Variants in LGR5 observed in about 807,000 individuals in gnomAD.
LGR5 encodes leucine-rich repeat-containing G protein-coupled receptor 5.
In LGR5, 54 loss-of-function variants were observed where a neutral mutation model predicts 76.7. The observed-to-expected ratio is 0.70, with a 90% CI of 0.57 to 0.88. LGR5 has a LOEUF of 0.88. Among genes scored for constraint, LGR5 ranks in the 40% least tolerant of loss-of-function variants. The pLI is 0.00. For missense variants in LGR5, 1,078 were observed against 1,073.3 expected (o/e 1.00, Z -0.06); for synonymous variants, 406 against 421.9 (o/e 0.96, Z 0.46).
In LGR5 at chr12:71,440,729, C is replaced by T. The variant is rs1282887932; in HGVS notation, c.212+437C>T. Among the ~76,000 whole-genome samples the T allele has an allele frequency of 1.3e-5, 2 of 152,168 alleles. No homozygotes were observed. The highest frequency in any genetic ancestry group is 4.8e-5 in the African/African-American group (2 of 41,434). Reference sequence around the variant, plus strand: ...GAAAAGATGGTCTGTAGAAAGTTTCCCCAAAGGAGAAACAACTTGCCCAGC... The same window carrying T: ...GAAAAGATGGTCTGTAGAAAGTTTCTCCAAAGGAGAAACAACTTGCCCAGC... On this transcript the variant is annotated intron_variant, in intron 1 of 17. Coordinates refer to ENST00000266674, the MANE Select transcript of LGR5 (RefSeq NM_003667.4). This position sits in a 1 kb window ranked among gnomAD's most constrained non-coding sequence, Gnocchi z 5.3.
intron 5 of LGR5, among the ~76,000 whole-genome samples, chr12:71,554,238 T>C (rs1483786282): frequency 6.6e-6 from 1 of 152,128 alleles, no homozygotes; most frequent in South Asian, 2.1e-4. Flanking sequence ...GAATGCTGAT[T>C]TGTTGGGTCA....
chr12:71,496,422 G>A (rs1874327579), intron 1 of LGR5, among the ~76,000 whole-genome samples: 1 of 148,720 alleles, frequency 6.7e-6, no homozygotes, highest in East Asian at 2.0e-4. Context: ...TAACAATTTT[G>A]GTGACAACAA....
chr12:71,566,379 T>G, intron 8 of LGR5, 25 bp from the exon 9 acceptor site: 1 of 1,442,982 alleles, frequency 6.9e-7, no homozygotes, highest in East Asian at 2.3e-5. Flanking sequence ...ACTAAGATAT[T>G]AATTGCTGTT....
intron 6 of LGR5, 132 bp downstream of exon 6, chr12:71,556,822 G>T: frequency 1.4e-6 from 1 of 702,902 alleles, no homozygotes; most frequent in South Asian, 1.7e-5. Flanking sequence ...ATTTACAGTG[G>T]CATTATCTTA....
intron 3 of LGR5, among the ~76,000 whole-genome samples, chr12:71,525,988 T>G (rs1434731611): frequency 6.6e-6 from 1 of 152,158 alleles, no homozygotes; most frequent in Non-Finnish European, 1.5e-5. Context: ...GAATGTTTGT[T>G]TCCCACAATG....
chr12:71,561,967 G>T (rs940612187), intron 8 of LGR5, 115 bp downstream of exon 8: 1 of 625,028 alleles, frequency 1.6e-6, no homozygotes, highest in South Asian at 2.6e-5. Context: ...CAATCTAAGA[G>T]TTCATACAGA....
chr12:71,578,305 T>G (rs2137471625), intron 14 of LGR5, among the ~76,000 whole-genome samples: 1 of 152,362 alleles, frequency 6.6e-6, no homozygotes, highest in East Asian at 1.9e-4. Context: ...GCTTCCATTT[T>G]ATTTTATGCC....
intron 15 of LGR5, 88 bp downstream of exon 15, chr12:71,579,017 C>T (rs887170870): frequency 7.3e-6 from 9 of 1,228,088 alleles, no homozygotes; most frequent in Admixed American, 2.5e-5. Context: ...TTTATGAGGT[C>T]GTGAGACACT....
intron 12 of LGR5, 80 bp from the exon 13 acceptor site, chr12:71,572,770 C>T (rs1287695392): frequency 3.0e-6 from 3 of 992,092 alleles, no homozygotes; most frequent in African/African-American, 1.6e-5. Context: ...GCAGGTAGTC[C>T]CTCTATAAAA....
intron 11 of LGR5, among the ~76,000 whole-genome samples, chr12:71,570,311 T>A (rs1196950547): frequency 6.6e-6 from 1 of 152,144 alleles, no homozygotes; most frequent in Admixed American, 6.5e-5. Context: ...CCCAGAATTT[T>A]AAAAAAATAA....
chr12:71,496,107 C>G (rs932640293), intron 1 of LGR5, among the ~76,000 whole-genome samples: 1 of 152,130 alleles, frequency 6.6e-6, no homozygotes, highest in Non-Finnish European at 1.5e-5. Flanking sequence ...CAAGGTGGCT[C>G]ACGCCTGTAA....
At chr12:71,518,738 AG>A (rs1443005392) in intron 2 of LGR5, among the ~76,000 whole-genome samples, 2 of 152,330 alleles carry the variant, frequency 1.3e-5, no homozygotes, top group East Asian at 3.9e-4. Context: ...GAACTAACAC[AG>A]GAACAGAAAA....
At chr12:71,507,552 A>T (rs1467409129) in intron 2 of LGR5, among the ~76,000 whole-genome samples, 2 of 152,226 alleles carry the variant, frequency 1.3e-5, no homozygotes, top group African/African-American at 4.8e-5. Context: ...TGAGAAAAGT[A>T]TCATCAGAAC....
chr12:71,455,997 A>C (rs1342013235), intron 1 of LGR5, among the ~76,000 whole-genome samples: 2 of 152,190 alleles, frequency 1.3e-5, no homozygotes, highest in Non-Finnish European at 2.9e-5. Context: ...TGTAAGCATA[A>C]AAATTTATGG....
chr12:71,566,458 A>G lies in LGR5; in HGVS notation c.912A>G (p.Leu304=), dbSNP rs756362899. 1.9e-6 allele frequency: 3 copies of G among 1,604,482 alleles called. No homozygotes were observed. Among genetic ancestry groups the G allele is most frequent in the Non-Finnish European group, 1.7e-6 (2 of 1,171,560 alleles). The part of the protein sequence containing the change: ...QFVGRSAFQH[L]PELRTLTLNG... The stretch of plus-strand genomic sequence containing the variant: ...TTGGGAGATCTGCTTTTCAACATTT[A>G]CCTGAACTAAGAACACTGTAAGTTT... Residue 304 remains leucine (L), a synonymous_variant, in exon 9 of 18, where the codon TTA becomes TTG. Transcript: ENST00000266674.
intron 1 of LGR5, among the ~76,000 whole-genome samples, chr12:71,501,270 G>C (rs1415782147): frequency 6.6e-6 from 1 of 152,124 alleles, no homozygotes; most frequent in Non-Finnish European, 1.5e-5. Flanking sequence ...AAGATATTTT[G>C]CATAAATTAG....
At chr12:71,504,043 C>T (rs1262283422) in intron 1 of LGR5, among the ~76,000 whole-genome samples, 3 of 152,150 alleles carry the variant, frequency 2.0e-5, no homozygotes, top group Admixed American at 1.3e-4. Context: ...CTTACACCCT[C>T]GTTTTATGGT....
chr12:71,458,683 G>A (rs933160593), intron 1 of LGR5, among the ~76,000 whole-genome samples: 13 of 152,032 alleles, frequency 8.6e-5, no homozygotes, highest in African/African-American at 2.7e-4. Context: ...TGTCAGCTTC[G>A]TGTTCCTGCA....
Position 71,571,549 on chromosome 12 carries a change from G to A in LGR5, c.1106G>A (p.Ser369Asn). Residue 369 changes from serine to asparagine, a missense_variant, in exon 12 of 18, where the codon AGT (serine) becomes AAT (asparagine). By Grantham distance (46) the Ser-to-Asn change is conservative. Coordinates refer to ENST00000266674, the MANE Select transcript of LGR5 (RefSeq NM_003667.4). Reference sequence around the variant, plus strand: ...TACAACCTATTAGAAGATTTACCCAGTTTTTCAGTCTGCCAAAAGCTTCAG... The same window carrying A: ...TACAACCTATTAGAAGATTTACCCAATTTTTCAGTCTGCCAAAAGCTTCAG... ...LSYNLLEDLP[S>N]FSVCQKLQKI... 1 of 1,613,110 alleles carries A rather than the reference G, an allele frequency of 6.2e-7. No homozygotes were observed. Among genetic ancestry groups the A allele is most frequent in the Non-Finnish European group, 8.5e-7 (1 of 1,179,454 alleles).
Sources: allele counts gnomAD v4.1 joint callset (sites outside exome capture counted in the v4.1 genomes callset), GRCh38; gene constraint gnomAD v4.1.1; non-coding constraint Gnocchi (gnomAD v3.1); transcripts MANE v1.5; gene names NCBI Gene and HGNC (gene_info 2026-07-23, HGNC 2026-07-21).